The following GDPD5 variants were observed in gnomAD, a reference collection of about 807,000 sequenced individuals.
The protein encoded by GDPD5 is glycerophosphodiester phosphodiesterase domain containing 5.
In GDPD5, 48 loss-of-function variants were observed where a neutral mutation model predicts 75.1. The ratio of observed to expected loss-of-function variants is 0.64; its 90% CI spans 0.51 to 0.81. GDPD5 has a LOEUF of 0.81. Ranked by LOEUF, GDPD5 falls within the 40% of genes least tolerant of loss-of-function variation. GDPD5 has a pLI of 0.00. For synonymous variants in GDPD5, 336 were observed against 339.0 expected, an observed-to-expected ratio of 0.99 and a Z score of 0.10; for missense variants, 706 against 822.6, an observed-to-expected ratio of 0.86 and a Z score of 1.73.
intron 3 of GDPD5, among the ~76,000 whole-genome samples, chr11:75,470,665 G>GT (rs1949641538): frequency 6.6e-6 from 1 of 152,054 alleles, no homozygotes; most frequent in Non-Finnish European, 1.5e-5. Flanking sequence ...TTCAACAAAT[G>GT]TATGCCTTCA....
intron 6 of GDPD5, among the ~76,000 whole-genome samples, chr11:75,456,158 T>C (rs1949281620): frequency 2.6e-5 from 4 of 152,108 alleles, no homozygotes; most frequent in African/African-American, 9.7e-5. Context: ...GCAGACATGC[T>C]GGGAGAGCAT....
Position 75,449,137 on chromosome 11 carries a change from C to T in GDPD5, c.569-15G>A, listed in dbSNP as rs1244147752. On this transcript the variant is annotated splice_polypyrimidine_tract_variant and intron_variant, in intron 8 of 16. Coordinates refer to ENST00000336898, the MANE Select transcript of GDPD5 (RefSeq NM_030792.8). The stretch of plus-strand genomic sequence containing the variant: ...CACCTGGGAGGCTGCAGATAAGGGG[C>T]CGTGAGTGCTGCCTGGTGAGCCCTG... 2 of 1,564,874 alleles carry T rather than the reference C, an allele frequency of 1.3e-6. No individual in the cohort carries two copies. Among genetic ancestry groups the T allele is most frequent in the East Asian group, 2.4e-5 (1 of 41,948 alleles).
At position 75,463,625 on chromosome 11, in the gene GDPD5, CAAGTCA is replaced by C. The variant is rs1949460914; in HGVS notation, c.118-742_118-737del. Among the ~76,000 whole-genome samples the C allele has an allele frequency of 3.3e-5, 5 of 152,218 alleles. No homozygotes were observed. The South Asian group carries it at 1.0e-3, about 32-fold the overall frequency. On this transcript the variant is annotated intron_variant, in intron 3 of 16. Coordinates refer to ENST00000336898, the MANE Select transcript of GDPD5 (RefSeq NM_030792.8). ...CGGGAAACTGCTGAGATCATCAGAA[CAAGTCA>C]ACAGCCCTTGAGGGGAGGTCAGTGT...
chr11:75,478,790 T>C (rs1480708841), intron 2 of GDPD5, among the ~76,000 whole-genome samples: 1 of 152,226 alleles, frequency 6.6e-6, no homozygotes, highest in Non-Finnish European at 1.5e-5. Flanking sequence ...TTTACATTCA[T>C]TGTTCCATCT....
chr11:75,493,061 A>C (rs1407348168), intron 1 of GDPD5, among the ~76,000 whole-genome samples: 1 of 152,170 alleles, frequency 6.6e-6, no homozygotes, highest in Non-Finnish European at 1.5e-5. Context: ...GAACAAATGC[A>C]CATGAGTGAA....
intron 4 of GDPD5, among the ~76,000 whole-genome samples, chr11:75,461,155 T>A (rs750303389): frequency 1.3e-5 from 2 of 152,072 alleles, no homozygotes; most frequent in Non-Finnish European, 2.9e-5. Flanking sequence ...TGGGCCTCCA[T>A]TTCCCCATCT....
At chr11:75,461,636 A>G (rs1362601945) in intron 4 of GDPD5, among the ~76,000 whole-genome samples, 2 of 152,182 alleles carry the variant, frequency 1.3e-5, no homozygotes, top group Admixed American at 1.3e-4. Flanking sequence ...GTTTAGGTAG[A>G]GCTTTGAGCC....
chr11:75,462,500 ATC>A (rs1305404914), intron 4 of GDPD5, among the ~76,000 whole-genome samples: 2 of 152,114 alleles, frequency 1.3e-5, no homozygotes, highest in African/African-American at 4.8e-5. Context: ...CGGGGCATGG[ATC>A]TCTCTGTTTC....
intron 3 of GDPD5, 47 bp downstream of exon 3, chr11:75,477,572 T>G (rs1949805332): frequency 7.0e-6 from 9 of 1,277,486 alleles, no homozygotes; most frequent in Middle Eastern, 3.9e-4. Flanking sequence ...CCCTCAGGCT[T>G]GCTGGGGCTC....
At chr11:75,480,300 C>G (rs1249615578) in intron 2 of GDPD5, among the ~76,000 whole-genome samples, 7 of 151,656 alleles carry the variant, frequency 4.6e-5, no homozygotes. Flanking sequence ...TGCACTCCAG[C>G]CAGGGTGACA....
At chr11:75,481,230 G>T (rs559488846) in intron 2 of GDPD5, among the ~76,000 whole-genome samples, 1 of 152,172 alleles carries the variant, frequency 6.6e-6, no homozygotes, top group Non-Finnish European at 1.5e-5. Flanking sequence ...GGGCTGCACC[G>T]TAGGAGCACG....
chr11:75,489,695 A>G lies in GDPD5; in HGVS notation c.-61+542T>C, dbSNP rs185243282. Among the ~76,000 whole-genome samples the G allele has an allele frequency of 6.9e-4, 105 of 152,218 alleles. 1 individual carries two copies. The highest frequency in any genetic ancestry group is 3.4e-3 in the Middle Eastern group (1 of 292). On this transcript the variant is annotated intron_variant, in intron 2 of 16. Transcript: ENST00000336898. Reference sequence around the variant, plus strand: ...GTTTAATGCTGGGCTCTTGAGAGGCAGTAAATCACAGGGTTTGTGAAGAGG... The same window carrying G: ...GTTTAATGCTGGGCTCTTGAGAGGCGGTAAATCACAGGGTTTGTGAAGAGG...
chr11:75,441,054 C>A (rs1251351993), intron 14 of GDPD5, 109 bp downstream of exon 14: 7 of 1,113,228 alleles, frequency 6.3e-6, no homozygotes, highest in Non-Finnish European at 9.2e-6. Context: ...CCCCACCATG[C>A]TAGAGACCTC....
intron 2 of GDPD5, among the ~76,000 whole-genome samples, chr11:75,490,001 A>G (rs1245505065): frequency 6.6e-6 from 1 of 152,226 alleles, no homozygotes; most frequent in Non-Finnish European, 1.5e-5. Flanking sequence ...AAGCAGGGAT[A>G]ACCATGGCAT....
intron 4 of GDPD5, among the ~76,000 whole-genome samples, 182 bp from the exon 5 acceptor site, chr11:75,457,968 C>T (rs547689441): frequency 4.6e-5 from 7 of 152,328 alleles, no homozygotes; most frequent in South Asian, 4.1e-4. Context: ...GGCAGCCACC[C>T]GGGGACCAAG....
intron 1 of GDPD5, among the ~76,000 whole-genome samples, chr11:75,517,726 T>C (rs1261958418): frequency 1.3e-5 from 2 of 151,534 alleles, no homozygotes; most frequent in Non-Finnish European, 2.9e-5. Flanking sequence ...CACAGCAGAG[T>C]TGGATGACTT....
chr11:75,503,063 C>T (rs998700879), intron 1 of GDPD5, among the ~76,000 whole-genome samples: 1 of 152,202 alleles, frequency 6.6e-6, no homozygotes. Context: ...CTTTATCGCC[C>T]AGGCTGGAGT....
chr11:75,453,434 C>T (rs1264291448), intron 6 of GDPD5, among the ~76,000 whole-genome samples: 2 of 151,978 alleles, frequency 1.3e-5, no homozygotes, highest in East Asian at 1.9e-4. Flanking sequence ...CTAGCTAACA[C>T]GGTGAAACCT....
chr11:75,455,574 T>C (rs895926808), intron 6 of GDPD5, among the ~76,000 whole-genome samples: 6 of 152,162 alleles, frequency 3.9e-5, no homozygotes, highest in Non-Finnish European at 7.3e-5. Flanking sequence ...TCCACATCCG[T>C]CTTCTAGCTA....
Sources: gnomAD v4.1 joint callset for allele counts (sites outside exome capture counted in the v4.1 genomes callset) on GRCh38, gnomAD v4.1.1 for gene constraint, MANE v1.5 for transcripts, NCBI Gene and HGNC (gene_info 2026-07-23, HGNC 2026-07-21) for gene names.